TENM2: variants seen among roughly 807,000 people sequenced by gnomAD.
TENM2 encodes the protein teneurin-2.
A neutral mutation model predicts 245.2 loss-of-function variants in TENM2; 52 were observed. That is an observed-to-expected ratio of 0.21 (90% CI 0.17 to 0.27). The LOEUF (loss-of-function observed/expected upper bound fraction) is 0.27, where lower values mean the gene tolerates loss of function less well. Among genes scored for constraint, TENM2 ranks in the 10% least tolerant of loss-of-function variants. TENM2 has a pLI of 1.00. For synonymous variants in TENM2, 1,363 were observed against 1,438.9 expected (o/e 0.95, Z 1.19); for missense variants, 3,046 against 3,666.8 (o/e 0.83, Z 4.37).
At chr5:167,257,249 A>C in the TENM2 span, among the ~76,000 whole-genome samples, 8 of 152,126 alleles carry the variant, frequency 5.3e-5, no homozygotes, top group African/African-American at 1.7e-4. Context: ...TACCCTATAT[A>C]ATGATTTATT....
the TENM2 span, among the ~76,000 whole-genome samples, chr5:167,027,554 G>A: frequency 6.6e-6 from 1 of 152,024 alleles, no homozygotes; most frequent in Admixed American, 6.5e-5. Context: ...TATGCCATTG[G>A]TATAGATCAT....
chr5:167,781,610 G>A (rs1375223260), intron 2 of TENM2, among the ~76,000 whole-genome samples: 1 of 152,086 alleles, frequency 6.6e-6, no homozygotes, highest in African/African-American at 2.4e-5. Context: ...AAGAATAAAT[G>A]AAAGTGATCA....
the TENM2 span, among the ~76,000 whole-genome samples, chr5:167,242,467 C>T: frequency 6.6e-6 from 1 of 152,058 alleles, no homozygotes; most frequent in Non-Finnish European, 1.5e-5. Context: ...CTTTGAAGAA[C>T]ATGGGTTTGA....
At chr5:167,924,400 G>A (rs372084959) in intron 3 of TENM2, among the ~76,000 whole-genome samples, 17 of 152,180 alleles carry the variant, frequency 1.1e-4, no homozygotes, top group African/African-American at 2.4e-4. Flanking sequence ...TGTTTTTCTC[G>A]ACAGGAGCAT....
intron 5 of TENM2, among the ~76,000 whole-genome samples, chr5:168,040,526 C>A (rs1348081672): frequency 1.3e-5 from 2 of 152,278 alleles, no homozygotes; most frequent in South Asian, 4.2e-4. Flanking sequence ...TTTGAAAATT[C>A]ATTCCACTCA....
the TENM2 span, among the ~76,000 whole-genome samples, chr5:167,013,950 A>C: frequency 6.6e-6 from 1 of 152,176 alleles, no homozygotes; most frequent in Non-Finnish European, 1.5e-5. Flanking sequence ...AGGTTGGCAA[A>C]TTGGGGTACC....
At position 168,258,946 on chromosome 5, in the gene TENM2, G is replaced by T. The variant is rs1562347974; in HGVS notation, c.7433-1337G>T. Among the ~76,000 whole-genome samples, 3 of 152,184 alleles carry T rather than the reference G, an allele frequency of 2.0e-5. No individual in the cohort carries two copies. The East Asian group carries it at 5.8e-4, about 29-fold the overall frequency. ...ACCTGTAATCCTAGCACTTTGGGAG[G>T]CCAAGGTGGAAGGATCACCTGAGGT... On this transcript the variant is annotated intron_variant, in intron 27 of 28. Transcript: ENST00000518659.
intron 3 of TENM2, among the ~76,000 whole-genome samples, chr5:167,908,814 G>A (rs1034397256): frequency 1.3e-5 from 2 of 151,634 alleles, no homozygotes; most frequent in Non-Finnish European, 2.9e-5. Context: ...CAGCCAGAGT[G>A]TATTGCTTGT....
At chr5:168,100,470 A>T (rs563741464) in intron 9 of TENM2, among the ~76,000 whole-genome samples, 30 of 152,346 alleles carry the variant, frequency 2.0e-4, no homozygotes, top group Admixed American at 1.9e-3. Flanking sequence ...AATAGCAAAG[A>T]CTTGGAACCA....
At chr5:167,581,889 A>G (rs956121914) in intron 2 of TENM2, among the ~76,000 whole-genome samples, 9 of 152,054 alleles carry the variant, frequency 5.9e-5, no homozygotes, top group African/African-American at 2.2e-4. Context: ...TTTCAGTTGT[A>G]GATATATTTA....
chr5:167,531,839 G>A (rs1445357093), intron 2 of TENM2, among the ~76,000 whole-genome samples: 1 of 152,128 alleles, frequency 6.6e-6, no homozygotes, highest in Non-Finnish European at 1.5e-5. Flanking sequence ...ATCCTGCAAT[G>A]GGCGTTAGGA....
At chr5:168,045,136 C>T (rs574322858) in intron 5 of TENM2, among the ~76,000 whole-genome samples, 1 of 152,268 alleles carries the variant, frequency 6.6e-6, no homozygotes, top group Admixed American at 6.5e-5. Context: ...GGCTTTTCCC[C>T]TTCTCCACCT....
intron 5 of TENM2, among the ~76,000 whole-genome samples, chr5:168,012,457 A>G (rs932842106): frequency 6.6e-5 from 10 of 152,112 alleles, no homozygotes; most frequent in African/African-American, 2.4e-4. Context: ...AGCCTGGGCA[A>G]CATAATGAGA....
chr5:167,521,505 T>C (rs949752352), intron 2 of TENM2, among the ~76,000 whole-genome samples: 2 of 152,122 alleles, frequency 1.3e-5, no homozygotes, highest in African/African-American at 2.4e-5. Context: ...CATATACAGG[T>C]TTATTTTGGG....
chr5:167,101,855 A>T, the TENM2 span, among the ~76,000 whole-genome samples: 2 of 123,976 alleles, frequency 1.6e-5, no homozygotes, highest in African/African-American at 5.8e-5. Flanking sequence ...ATATTTATAT[A>T]TATATATATA....
At chr5:167,296,012 C>T (rs1754928165) in intron 1 of TENM2, among the ~76,000 whole-genome samples, 1 of 152,040 alleles carries the variant, frequency 6.6e-6, no homozygotes, top group Admixed American at 6.6e-5. Flanking sequence ...GAATATTTTA[C>T]CAAAGGTACT....
chr5:167,907,729 T>C (rs1047682386), intron 3 of TENM2, among the ~76,000 whole-genome samples: 2 of 150,504 alleles, frequency 1.3e-5, no homozygotes, highest in African/African-American at 4.9e-5. Context: ...ATAGTGAGAC[T>C]CCATTTCTAC....
intron 2 of TENM2, among the ~76,000 whole-genome samples, chr5:167,570,293 A>C (rs1206504610): frequency 6.6e-6 from 1 of 152,134 alleles, no homozygotes; most frequent in South Asian, 2.1e-4. Context: ...GCCGATACAT[A>C]AGATAATGAA....
Position 167,614,206 on chromosome 5 carries a change from G to A in TENM2, c.502+238733G>A, listed in dbSNP as rs150942182. Among the ~76,000 whole-genome samples, 237 of 152,208 alleles carry A rather than the reference G, an allele frequency of 1.6e-3. 5 individuals carry two copies. In the East Asian group the frequency reaches 0.027, roughly 17 times the overall value. ...TTAAAACATAGTACCTGACTTTTAT[G>A]AGAAATTTCCTATCTTTTGAATGTC... On this transcript the variant is annotated intron_variant, in intron 2 of 28. Transcript: ENST00000518659.
Sources: gnomAD v4.1 joint callset for allele counts (sites outside exome capture counted in the v4.1 genomes callset) on GRCh38, gnomAD v4.1.1 for gene constraint, MANE v1.5 for transcripts, NCBI Gene and HGNC (gene_info 2026-07-23, HGNC 2026-07-21) for gene names.